The following ATAD2B variants were observed in gnomAD, a reference collection of about 807,000 sequenced individuals.
ATAD2B encodes ATPase family AAA domain-containing protein 2B.
ATAD2B carries 40 observed loss-of-function variants against 167.6 expected under a neutral mutation model. That is an observed-to-expected ratio of 0.24 (90% confidence interval 0.19 to 0.31). ATAD2B has a LOEUF of 0.31. Ranked by LOEUF, ATAD2B falls within the 10% of genes least tolerant of loss-of-function variation. ATAD2B has a pLI of 1.00. For synonymous variants in ATAD2B, 579 were observed against 596.5 expected (o/e 0.97, Z 0.43); for missense variants, 1,242 against 1,757.2 (o/e 0.71, Z 5.24).
intron 13 of ATAD2B, among the ~76,000 whole-genome samples, chr2:23,849,893 T>C (rs1386540591): frequency 6.6e-6 from 1 of 152,112 alleles, no homozygotes; most frequent in Non-Finnish European, 1.5e-5. Flanking sequence ...TTTATATTTA[T>C]AGAACACTAT....
At chr2:23,907,506 G>A (rs1346230078) in intron 1 of ATAD2B, among the ~76,000 whole-genome samples, 1 of 152,114 alleles carries the variant, frequency 6.6e-6, no homozygotes, top group Non-Finnish European at 1.5e-5. Context: ...ATGCTCATGG[G>A]TAGGAAGAAT....
intron 13 of ATAD2B, among the ~76,000 whole-genome samples, chr2:23,848,886 T>C (rs951277538): frequency 2.0e-5 from 3 of 152,182 alleles, no homozygotes; most frequent in East Asian, 1.9e-4. Flanking sequence ...GCTTCACAAG[T>C]ATATATGTAT....
At chr2:23,919,800 G>A (rs945602259) in intron 1 of ATAD2B, among the ~76,000 whole-genome samples, 4 of 146,466 alleles carry the variant, frequency 2.7e-5, no homozygotes, top group Admixed American at 2.1e-4. Context: ...AGCTGAGGTC[G>A]CACCATTGTA....
chr2:23,859,457 T>G (rs990709838), intron 12 of ATAD2B, among the ~76,000 whole-genome samples: 2 of 152,048 alleles, frequency 1.3e-5, no homozygotes, highest in Non-Finnish European at 2.9e-5. Context: ...TACAGGTCCA[T>G]GCCAACACAC....
chr2:23,896,818 C>G (rs1700216338), intron 1 of ATAD2B, among the ~76,000 whole-genome samples: 1 of 152,182 alleles, frequency 6.6e-6, no homozygotes, highest in Non-Finnish European at 1.5e-5. Context: ...CCTTCTTTCC[C>G]TATCTTTCAT....
At chr2:23,755,942 T>C (rs979381369) in intron 25 of ATAD2B, among the ~76,000 whole-genome samples, 3 of 152,158 alleles carry the variant, frequency 2.0e-5, no homozygotes, top group Non-Finnish European at 2.9e-5. Flanking sequence ...CAGATTAGGA[T>C]ACTGTCCTGA....
intron 1 of ATAD2B, among the ~76,000 whole-genome samples, chr2:23,899,421 T>A (rs1221413662): frequency 6.6e-6 from 1 of 151,948 alleles, no homozygotes; most frequent in African/African-American, 2.4e-5. Context: ...AGTTTTATAA[T>A]ACACCATCAC....
chr2:23,855,339 TG>T (rs1343160303), intron 13 of ATAD2B, among the ~76,000 whole-genome samples: 4 of 152,220 alleles, frequency 2.6e-5, no homozygotes, highest in Non-Finnish European at 5.9e-5. Flanking sequence ...TCAATATTAT[TG>T]GATTAATATT....
chr2:23,709,040 CT>C, the ATAD2B span, among the ~76,000 whole-genome samples: 1 of 151,384 alleles, frequency 6.6e-6, no homozygotes, highest in Non-Finnish European at 1.5e-5. Flanking sequence ...CTTTTCTTTT[CT>C]TTTTTTCTTT....
At chr2:23,899,966 C>T (rs1432648309) in intron 1 of ATAD2B, among the ~76,000 whole-genome samples, 1 of 141,366 alleles carries the variant, frequency 7.1e-6, no homozygotes, top group African/African-American at 2.6e-5. Flanking sequence ...CTCTGTCGCC[C>T]AGGCTGGGGT....
chr2:23,780,603 A>G (rs1340609808), intron 22 of ATAD2B, among the ~76,000 whole-genome samples: 3 of 152,194 alleles, frequency 2.0e-5, no homozygotes, highest in Admixed American at 6.5e-5. Context: ...AAATACAGAT[A>G]CAAAACAAAG....
intron 17 of ATAD2B, among the ~76,000 whole-genome samples, chr2:23,818,715 G>A (rs1159982901): frequency 6.6e-6 from 1 of 152,160 alleles, no homozygotes; most frequent in African/African-American, 2.4e-5. Flanking sequence ...TAATAGAAGT[G>A]CTATTAGATC....
At chr2:23,818,077 AACACAC>A (rs10559795) in intron 17 of ATAD2B, among the ~76,000 whole-genome samples, 1 of 142,346 alleles carries the variant, frequency 7.0e-6, no homozygotes, top group African/African-American at 2.6e-5. Context: ...AACACACATA[AACACAC>A]ACACACACAC....
chr2:23,762,284 T>C lies in ATAD2B; in HGVS notation c.3319A>G (p.Arg1107Gly). ...HSTGARKTET[R>G]VEEAFRHKQR... The stretch of plus-strand genomic sequence containing the variant: ...TTGTGCCGAAATGCCTCTTCGACTC[T>C]AGTTTCTGTCTTCCGAGCTCCAGTA... The change falls in exon 24 of 28, where the codon AGA (arginine) becomes GGA (glycine). Residue 1107 changes from arginine (R) to glycine (G), a missense_variant. By Grantham distance (125) the Arg-to-Gly change is moderately radical (BLOSUM62 -2). Around this residue, in one of 9 missense-constraint regions of ATAD2B, gnomAD observed 204 missense variants for 324.0 expected, o/e 0.63. Coordinates refer to ENST00000238789, the MANE Select transcript of ATAD2B (RefSeq NM_017552.4). 6.2e-7 allele frequency: 1 copy of C among 1,613,694 alleles called. No homozygotes were observed. The highest frequency in any genetic ancestry group is 8.5e-7 in the Non-Finnish European group (1 of 1,179,762).
chr2:23,774,790 C>T (rs1678829243), intron 22 of ATAD2B, among the ~76,000 whole-genome samples: 1 of 152,142 alleles, frequency 6.6e-6, no homozygotes, highest in Non-Finnish European at 1.5e-5. Context: ...ATCCCAGCTA[C>T]TCAGGAGGCT....
intron 18 of ATAD2B, among the ~76,000 whole-genome samples, chr2:23,804,318 G>T (rs1683981923): frequency 6.6e-6 from 1 of 152,082 alleles, no homozygotes; most frequent in South Asian, 2.1e-4. Flanking sequence ...AAGACATCTG[G>T]TCTCTGGCCA....
At chr2:23,725,179 G>C in the ATAD2B span, among the ~76,000 whole-genome samples, 3 of 152,046 alleles carry the variant, frequency 2.0e-5, no homozygotes, top group African/African-American at 7.2e-5. Context: ...AGTGCTGAAA[G>C]GGCAGAATTG....
downstream of ATAD2B, among the ~76,000 whole-genome samples, chr2:23,747,153 A>G (rs2149281423): frequency 6.6e-6 from 1 of 152,280 alleles, no homozygotes; most frequent in South Asian, 2.1e-4. Flanking sequence ...AAATTCCTAT[A>G]GGGAATACAG....
the ATAD2B span, chr2:23,684,274 C>A: frequency 2.8e-6 from 2 of 704,162 alleles, no homozygotes; most frequent in Non-Finnish European, 4.1e-6. The surrounding 1 kb of genome is among the most constrained non-coding windows in gnomAD (Gnocchi z 4.4). Flanking sequence ...CCAGTCTTGC[C>A]AAGAAACAAT....
Sources: gnomAD v4.1 joint callset for allele counts (sites outside exome capture counted in the v4.1 genomes callset) on GRCh38, gnomAD v4.1.1 for gene constraint, gnomAD v4.1.1 regional missense constraint, Gnocchi (gnomAD v3.1) non-coding constraint, MANE v1.5 for transcripts, NCBI Gene and HGNC (gene_info 2026-07-23, HGNC 2026-07-21) for gene names.